Variants in LRRC4C observed in about 807,000 individuals in gnomAD.
LRRC4C encodes leucine-rich repeat-containing protein 4C.
A neutral mutation model predicts 33.6 loss-of-function variants in LRRC4C; 5 were observed. The ratio of observed to expected loss-of-function variants is 0.15; its 90% CI spans 0.08 to 0.31. The LOEUF (loss-of-function observed/expected upper bound fraction) is 0.31, where lower values mean the gene tolerates loss of function less well. Among genes scored for constraint, LRRC4C ranks in the 10% least tolerant of loss-of-function variants. The pLI, the probability that LRRC4C is intolerant of heterozygous loss-of-function variation, is 1.00. For synonymous variants in LRRC4C, 329 were observed against 302.0 expected (o/e 1.09, Z -0.93); for missense variants, 560 against 796.7 (o/e 0.70, Z 3.58).
rs1952029563 is a variant in LRRC4C, at chr11:40,454,232, C to T, written c.-269-134511G>A. 2.0e-5 allele frequency among the ~76,000 whole-genome samples: 3 copies of T among 150,360 alleles called. No individual in the cohort carries two copies. In the South Asian group the frequency reaches 6.3e-4, roughly 31 times the overall value. Reference sequence around the variant, plus strand: ...TTACCAACAGTTGTAAGGTAGGTGTCATGCTGATGTGCAACTTACCATAGT... The same window carrying T: ...TTACCAACAGTTGTAAGGTAGGTGTTATGCTGATGTGCAACTTACCATAGT... On this transcript the variant is annotated intron_variant, in intron 3 of 6. Coordinates refer to ENST00000528697, the MANE Select transcript of LRRC4C (RefSeq NM_001258419.2).
At chr11:40,739,022 TG>T (rs1376568159) in intron 2 of LRRC4C, among the ~76,000 whole-genome samples, 3 of 54,888 alleles carry the variant, frequency 5.5e-5, no homozygotes, top group Non-Finnish European at 1.5e-4. Flanking sequence ...TGTGTGTGTG[TG>T]TGTGTATGTG....
chr11:40,281,471 A>T (rs1276145621), intron 4 of LRRC4C, among the ~76,000 whole-genome samples: 1 of 152,012 alleles, frequency 6.6e-6, no homozygotes, highest in African/African-American at 2.4e-5. Flanking sequence ...TCTTTCCCCT[A>T]AGGTTGTAAA....
chr11:40,657,299 T>C (rs1243072478), intron 2 of LRRC4C, among the ~76,000 whole-genome samples: 1 of 152,174 alleles, frequency 6.6e-6, no homozygotes, highest in Non-Finnish European at 1.5e-5. Context: ...TAATGATTGG[T>C]CTAAGCTGGA....
chr11:40,169,763 G>T (rs1859893124), intron 5 of LRRC4C, among the ~76,000 whole-genome samples: 1 of 152,082 alleles, frequency 6.6e-6, no homozygotes, highest in African/African-American at 2.4e-5. Context: ...CTTAAAAAAA[G>T]AGAGATAGAA....
chr11:40,951,620 T>C (rs1313077936), intron 1 of LRRC4C, among the ~76,000 whole-genome samples: 1 of 152,002 alleles, frequency 6.6e-6, no homozygotes, highest in African/African-American at 2.4e-5. Flanking sequence ...TTTAAATCTC[T>C]GGAGCATTTG....
At chr11:40,813,633 A>C (rs1951584466) in intron 2 of LRRC4C, among the ~76,000 whole-genome samples, 1 of 152,120 alleles carries the variant, frequency 6.6e-6, no homozygotes. Context: ...CCAAAGTCTT[A>C]ACTTATTTCA....
chr11:41,010,279 C>T (rs1855078395), intron 1 of LRRC4C, among the ~76,000 whole-genome samples: 1 of 152,112 alleles, frequency 6.6e-6, no homozygotes, highest in South Asian at 2.1e-4. Context: ...TTGTTAGTCA[C>T]CTTTGCTGCC....
chr11:40,771,151 T>C (rs982282577), intron 2 of LRRC4C, among the ~76,000 whole-genome samples: 1 of 152,182 alleles, frequency 6.6e-6, no homozygotes, highest in African/African-American at 2.4e-5. Context: ...TGCCTGGACA[T>C]CCAGGCATTT....
intron 1 of LRRC4C, among the ~76,000 whole-genome samples, chr11:41,057,904 C>T (rs1858751835): frequency 6.6e-6 from 1 of 152,156 alleles, no homozygotes; most frequent in Admixed American, 6.5e-5. Flanking sequence ...AGGAGCCGAA[C>T]ACTCCTTGGA....
intron 1 of LRRC4C, among the ~76,000 whole-genome samples, chr11:41,114,147 T>A (rs1941994251): frequency 6.6e-6 from 1 of 152,074 alleles, no homozygotes. Context: ...ATGAACGAAA[T>A]GAAAACTTTC....
chr11:41,224,760 A>C (rs1036812803), intron 1 of LRRC4C, among the ~76,000 whole-genome samples: 18 of 152,196 alleles, frequency 1.2e-4, no homozygotes, highest in African/African-American at 4.3e-4. Flanking sequence ...GATGTGCCTG[A>C]ATCATATAAG....
intron 3 of LRRC4C, among the ~76,000 whole-genome samples, chr11:40,573,608 A>G (rs1449041318): frequency 6.6e-6 from 1 of 152,184 alleles, no homozygotes; most frequent in Non-Finnish European, 1.5e-5. Flanking sequence ...ATTTCCTAAA[A>G]CATATTAAGC....
chr11:41,011,947 T>TC (rs1314518499), intron 1 of LRRC4C, among the ~76,000 whole-genome samples: 1 of 149,742 alleles, frequency 6.7e-6, no homozygotes, highest in Non-Finnish European at 1.5e-5. Flanking sequence ...TCCTGGGTTT[T>TC]TTTTTTTATT....
At chr11:41,381,036 G>A (rs1014459737) in intron 1 of LRRC4C, among the ~76,000 whole-genome samples, 1 of 152,052 alleles carries the variant, frequency 6.6e-6, no homozygotes, top group Non-Finnish European at 1.5e-5. Flanking sequence ...CTATCTGCAC[G>A]GTCTGAAAAT....
chr11:40,835,627 A>T (rs924524471), intron 2 of LRRC4C, among the ~76,000 whole-genome samples: 2 of 152,332 alleles, frequency 1.3e-5, no homozygotes, highest in South Asian at 4.1e-4. Context: ...TTTATCATTG[A>T]CAGGGAAATC....
At chr11:40,565,251 A>G (rs1440988932) in intron 3 of LRRC4C, among the ~76,000 whole-genome samples, 1 of 152,192 alleles carries the variant, frequency 6.6e-6, no homozygotes, top group Admixed American at 6.5e-5. Flanking sequence ...TGTGCATCAT[A>G]AGAGACAGAC....
At chr11:40,265,734 G>A (rs1942203223) in intron 4 of LRRC4C, among the ~76,000 whole-genome samples, 1 of 152,178 alleles carries the variant, frequency 6.6e-6, no homozygotes, top group Admixed American at 6.5e-5. Flanking sequence ...AGGCAGACAA[G>A]TATGTGGTCC....
chr11:40,127,502 A>AAAAAGTTTG (rs765749060), intron 6 of LRRC4C, among the ~76,000 whole-genome samples: 1 of 152,134 alleles, frequency 6.6e-6, no homozygotes, highest in African/African-American at 2.4e-5. Context: ...AAGCCTAACA[A>AAAAAGTTTG]AAAAGTTTGA....
intron 5 of LRRC4C, among the ~76,000 whole-genome samples, chr11:40,194,480 T>C (rs1862085820): frequency 6.6e-6 from 1 of 152,076 alleles, no homozygotes; most frequent in Non-Finnish European, 1.5e-5. Flanking sequence ...GGGACATGGA[T>C]GAAGCTGGAA....
Sources: allele counts gnomAD v4.1 joint callset (sites outside exome capture counted in the v4.1 genomes callset), GRCh38; gene constraint gnomAD v4.1.1; transcripts MANE v1.5; gene names NCBI Gene and HGNC (gene_info 2026-07-23, HGNC 2026-07-21).